ITPR2: variants seen among roughly 807,000 people sequenced by gnomAD.
ITPR2 encodes inositol 1,4,5-trisphosphate-gated calcium channel ITPR2.
Under a neutral mutation model 317.1 loss-of-function variants are expected in ITPR2, and 207 were observed. The observed-to-expected ratio is 0.65, with a 90% CI of 0.58 to 0.73. The LOEUF (loss-of-function observed/expected upper bound fraction) is 0.73. Ranked by LOEUF, ITPR2 falls within the 30% of genes least tolerant of loss-of-function variation. The probability of loss-of-function intolerance (pLI) is 0.00; values close to 1 mark genes in which losing one functional copy is unlikely to be tolerated. For missense variants in ITPR2, 2,613 were observed against 3,284.0 expected, an observed-to-expected ratio of 0.80 and a Z score of 4.99; for synonymous variants, 1,156 against 1,149.1, an observed-to-expected ratio of 1.01 and a Z score of -0.12.
At chr12:26,421,197 C>T (rs968168067) in intron 49 of ITPR2, 1 of 152,176 alleles carries the variant, frequency 6.6e-6, no homozygotes, top group Non-Finnish European at 1.5e-5. Flanking sequence ...AACAAGGCCA[C>T]ATTTCTTCCT....
At chr12:26,474,513 G>C (rs1942364786) in intron 45 of ITPR2, among the ~76,000 whole-genome samples, 1 of 152,168 alleles carries the variant, frequency 6.6e-6, no homozygotes, top group South Asian at 2.1e-4. Flanking sequence ...GAATTTAAAG[G>C]CCGGGCGCGG....
chr12:26,606,434 A>G (rs1040071283), intron 26 of ITPR2, among the ~76,000 whole-genome samples: 5 of 152,166 alleles, frequency 3.3e-5, no homozygotes, highest in African/African-American at 7.2e-5. Flanking sequence ...CCATAACATA[A>G]AACAGTAGGT....
intron 11 of ITPR2, among the ~76,000 whole-genome samples, chr12:26,682,956 G>A (rs548994109): frequency 1.3e-5 from 2 of 152,284 alleles, no homozygotes; most frequent in African/African-American, 4.8e-5. Flanking sequence ...CATCCCCATC[G>A]ACTGAATCAG....
intron 26 of ITPR2, among the ~76,000 whole-genome samples, chr12:26,616,663 C>G (rs146433233): frequency 6.6e-6 from 1 of 152,032 alleles, no homozygotes; most frequent in African/African-American, 2.4e-5. Context: ...AAATAGCAAA[C>G]AAATCCAGAA....
At chr12:26,345,051 T>C (rs764619831) in intron 55 of ITPR2, among the ~76,000 whole-genome samples, 4 of 152,210 alleles carry the variant, frequency 2.6e-5, no homozygotes, top group Non-Finnish European at 5.9e-5. Flanking sequence ...TATCTGCTGG[T>C]CTTAATCTGA....
chr12:26,718,329 A>G (rs2137036459), intron 5 of ITPR2, among the ~76,000 whole-genome samples: 1 of 152,162 alleles, frequency 6.6e-6, no homozygotes, highest in East Asian at 1.9e-4. Flanking sequence ...TGTGCCATAT[A>G]AATCCTAGCC....
intron 49 of ITPR2, 43 bp downstream of exon 49, chr12:26,427,870 T>A: frequency 2.3e-6 from 3 of 1,290,682 alleles, no homozygotes; most frequent in Middle Eastern, 2.0e-4. Flanking sequence ...CATACACTTT[T>A]AAACTAATTC....
At chr12:26,727,931 G>A (rs900629719) in intron 2 of ITPR2, among the ~76,000 whole-genome samples, 22 of 152,166 alleles carry the variant, frequency 1.4e-4, no homozygotes, top group Admixed American at 3.9e-4. Context: ...GGGGAGGGGC[G>A]TTCCAAACAG....
At chr12:26,519,397 G>A (rs1175408579) in intron 37 of ITPR2, among the ~76,000 whole-genome samples, 1 of 152,158 alleles carries the variant, frequency 6.6e-6, no homozygotes, top group Non-Finnish European at 1.5e-5. Flanking sequence ...TAGAAATATA[G>A]TACTTACATA....
intron 2 of ITPR2, among the ~76,000 whole-genome samples, chr12:26,786,961 G>A (rs1010810167): frequency 5.9e-5 from 9 of 152,216 alleles, no homozygotes; most frequent in Non-Finnish European, 2.9e-5. Context: ...GTCTGGAAAT[G>A]CTGGGATGGT....
chr12:26,786,686 T>C (rs545174530), intron 2 of ITPR2, among the ~76,000 whole-genome samples: 1 of 152,344 alleles, frequency 6.6e-6, no homozygotes, highest in Admixed American at 6.5e-5. Context: ...ACTGTGGAAC[T>C]TGGTTGCCAC....
At chr12:26,665,769 G>T in intron 14 of ITPR2, 141 bp downstream of exon 14, 1 of 721,512 alleles carries the variant, frequency 1.4e-6, no homozygotes, top group Non-Finnish European at 2.2e-6. Context: ...CACAGAAACT[G>T]TGAGACAAGA....
At chr12:26,685,716 T>C (rs1185941664) in intron 11 of ITPR2, among the ~76,000 whole-genome samples, 1 of 152,194 alleles carries the variant, frequency 6.6e-6, no homozygotes, top group East Asian at 1.9e-4. Context: ...CCCTCCCTCA[T>C]TTATGTCTAA....
chr12:26,664,913 C>T (rs906097496), intron 14 of ITPR2, among the ~76,000 whole-genome samples: 7 of 152,220 alleles, frequency 4.6e-5, no homozygotes, highest in African/African-American at 1.2e-4. Context: ...ATTATGTCTA[C>T]TATTTTCCTT....
intron 54 of ITPR2, among the ~76,000 whole-genome samples, chr12:26,397,705 C>T (rs1940043279): frequency 6.6e-6 from 1 of 152,160 alleles, no homozygotes; most frequent in Admixed American, 6.5e-5. Flanking sequence ...GTGAACGAAA[C>T]ACTCAACAAA....
chr12:26,397,203 C>T (rs1008067741), intron 54 of ITPR2, among the ~76,000 whole-genome samples: 1 of 152,130 alleles, frequency 6.6e-6, no homozygotes, highest in African/African-American at 2.4e-5. Context: ...AAAGGCCATG[C>T]GTGGTCTGGC....
At chr12:26,629,525 G>T (rs1203671753) in intron 22 of ITPR2, among the ~76,000 whole-genome samples, 1 of 151,698 alleles carries the variant, frequency 6.6e-6, no homozygotes, top group African/African-American at 2.4e-5. Flanking sequence ...CCTCAAGGCT[G>T]CAGTGAGCCA....
chr12:26,782,722 G>A (rs1028833753), intron 2 of ITPR2, among the ~76,000 whole-genome samples: 1 of 152,194 alleles, frequency 6.6e-6, no homozygotes, highest in Non-Finnish European at 1.5e-5. Context: ...TTCATGTGAT[G>A]ACCAAATAAT....
At chr12:26,703,623 C>CTCAGTTTCAACTT (rs1183590725) in intron 9 of ITPR2, among the ~76,000 whole-genome samples, 2 of 152,198 alleles carry the variant, frequency 1.3e-5, no homozygotes, top group Non-Finnish European at 2.9e-5. Flanking sequence ...CATCGTTACC[C>CTCAGTTTCAACTT]TCAGTTGAAA....
Sources: allele counts gnomAD v4.1 joint callset (sites outside exome capture counted in the v4.1 genomes callset), GRCh38; gene constraint gnomAD v4.1.1; transcripts MANE v1.5; gene names NCBI Gene and HGNC (gene_info 2026-07-23, HGNC 2026-07-21).